USP32: variants seen among roughly 807,000 people sequenced by gnomAD.
USP32 encodes the protein ubiquitin specific peptidase 32.
USP32 carries 59 observed loss-of-function variants against 204.8 expected under a neutral mutation model. That is an observed-to-expected ratio of 0.29 (90% CI 0.23 to 0.36). The LOEUF (loss-of-function observed/expected upper bound fraction) is 0.36, where lower values mean the gene tolerates loss of function less well. USP32 is among the 10% of genes least tolerant of loss of function. USP32 has a pLI of 1.00. For missense variants in USP32, 1,160 were observed against 1,946.4 expected (o/e 0.60, Z 7.60); for synonymous variants, 517 against 678.4 (o/e 0.76, Z 3.70).
At chr17:60,319,458 C>T (rs894805415) in intron 2 of USP32, among the ~76,000 whole-genome samples, 1 of 152,028 alleles carries the variant, frequency 6.6e-6, no homozygotes, top group South Asian at 2.1e-4. Context: ...ATAATAAATA[C>T]GAGTATAATA....
At chr17:60,408,920 C>T (rs931956973) in intron 1 of USP32, among the ~76,000 whole-genome samples, 1 of 152,240 alleles carries the variant, frequency 6.6e-6, no homozygotes, top group African/African-American at 2.4e-5. Flanking sequence ...ATCATGCCTT[C>T]TGGCATCACC....
At chr17:60,390,215 A>C (rs1341552842) in intron 1 of USP32, among the ~76,000 whole-genome samples, 1 of 152,000 alleles carries the variant, frequency 6.6e-6, no homozygotes. Flanking sequence ...GTTTGATAGG[A>C]GATTAAGCAG....
At chr17:60,295,066 T>C (rs1178127408) in intron 3 of USP32, among the ~76,000 whole-genome samples, 2 of 152,216 alleles carry the variant, frequency 1.3e-5, no homozygotes, top group East Asian at 1.9e-4. Flanking sequence ...GGACCTCTTA[T>C]ACACTGTTAA....
intron 1 of USP32, among the ~76,000 whole-genome samples, chr17:60,412,965 G>T (rs550304555): frequency 6.6e-6 from 1 of 152,178 alleles, no homozygotes; most frequent in South Asian, 2.1e-4. Context: ...AAGTTCCGAG[G>T]TTGCCATTCT....
chr17:60,254,227 G>A (rs543852992), intron 10 of USP32, among the ~76,000 whole-genome samples: 85 of 152,290 alleles, frequency 5.6e-4, no homozygotes, highest in African/African-American at 1.8e-3. Context: ...AAATCAGAGC[G>A]AGGGAATTAG....
intron 2 of USP32, among the ~76,000 whole-genome samples, chr17:60,329,278 G>GT (rs538014621): frequency 0.19 from 28,710 of 147,596 alleles, 6,513 homozygotes; most frequent in African/African-American, 0.55. Context: ...GTGTGTGTGT[G>GT]TTTTTTTTTT....
chr17:60,343,721 C>CTTT (rs746333942), intron 2 of USP32, among the ~76,000 whole-genome samples: 3 of 152,174 alleles, frequency 2.0e-5, no homozygotes, highest in Non-Finnish European at 4.4e-5. Context: ...AATCAACACT[C>CTTT]TAACATCACA....
rs2084878405 is a variant in USP32 at position 60,208,219 on chromosome 17, G to C, written c.2774-9C>G. On this transcript the variant is annotated splice_polypyrimidine_tract_variant and intron_variant, in intron 23 of 33. Coordinates refer to ENST00000300896, the MANE Select transcript of USP32 (RefSeq NM_032582.4). ...ACCATCTAACTTAATCACTAGTAAA[G>C]AGAAAAGATCTTTTATTGGTAAAAT... 60 of 1,567,320 alleles carry C rather than the reference G, an allele frequency of 3.8e-5. No homozygotes were observed. The highest frequency in any genetic ancestry group is 5.2e-5 in the Non-Finnish European group (60 of 1,154,964).
At chr17:60,275,940 A>G (rs1421326852) in intron 5 of USP32, among the ~76,000 whole-genome samples, 1 of 152,132 alleles carries the variant, frequency 6.6e-6, no homozygotes, top group East Asian at 1.9e-4. Context: ...GTATGGAGCA[A>G]TAAAGATAAA....
Position 60,183,286 on chromosome 17 carries a change from C to T in USP32, c.4002G>A (p.Glu1334=), listed in dbSNP as rs2084162291. Residue 1334 remains glutamate (E), a synonymous_variant, in exon 31 of 34, where the codon GAG becomes GAA. Transcript: ENST00000300896. ...PLTPQGDELS[E]PRILAREVKK... Reference sequence around the variant, plus strand: ...TCACCTCCCTTGCCAGAATCCTGGGCTCAGAGAGCTCATCCCCCTGGGGTG... The same window carrying T: ...TCACCTCCCTTGCCAGAATCCTGGGTTCAGAGAGCTCATCCCCCTGGGGTG... 1 of 1,613,990 alleles carries T rather than the reference C, an allele frequency of 6.2e-7. No individual in the cohort carries two copies. Among genetic ancestry groups the T allele is most frequent in the Non-Finnish European group, 8.5e-7 (1 of 1,179,878 alleles).
At chr17:60,221,815 T>C (rs1052990360) in intron 15 of USP32, among the ~76,000 whole-genome samples, 1 of 152,118 alleles carries the variant, frequency 6.6e-6, no homozygotes, top group Non-Finnish European at 1.5e-5. Flanking sequence ...CCAAAACAAA[T>C]CCCACCAAAA....
rs148789404 is a variant in USP32, at chr17:60,180,058, C to T, written c.4641+487G>A. ...TTTTTTTTCTTGAGACAGAGTCTTG[C>T]TCTGTTGCCCAGGCTGGAGTGCAGT... On this transcript the variant is annotated intron_variant, in intron 33 of 33. Coordinates refer to ENST00000300896, the MANE Select transcript of USP32 (RefSeq NM_032582.4). 6.6e-3 allele frequency among the ~76,000 whole-genome samples: 995 copies of T among 151,356 alleles called. 13 individuals are homozygous for T. Among genetic ancestry groups the T allele is most frequent in the African/African-American group, 0.023 (963 of 41,204 alleles).
intron 2 of USP32, among the ~76,000 whole-genome samples, chr17:60,323,915 C>T (rs758807038): frequency 9.9e-5 from 15 of 152,154 alleles, no homozygotes; most frequent in Admixed American, 2.0e-4. Flanking sequence ...AGATGGAATA[C>T]TAGTAAAGTT....
intron 9 of USP32, 46 bp downstream of exon 9, chr17:60,265,366 A>G (rs371222677): frequency 5.3e-6 from 7 of 1,315,292 alleles, no homozygotes; most frequent in Non-Finnish European, 7.6e-6. Flanking sequence ...CAAATGGAGT[A>G]CATGATATTT....
chr17:60,371,270 A>T (rs955805405), intron 1 of USP32, among the ~76,000 whole-genome samples: 2 of 149,802 alleles, frequency 1.3e-5, no homozygotes, highest in African/African-American at 4.9e-5. Context: ...AAAAAAAAAA[A>T]AAAAAAAATT....
At chr17:60,400,244 C>T (rs555695155) in intron 1 of USP32, among the ~76,000 whole-genome samples, 7 of 152,224 alleles carry the variant, frequency 4.6e-5, no homozygotes, top group African/African-American at 1.7e-4. Flanking sequence ...AGATTACAGG[C>T]GTGAGCCACC....
intron 1 of USP32, among the ~76,000 whole-genome samples, chr17:60,375,706 T>C (rs2089527432): frequency 1.3e-5 from 2 of 151,038 alleles, no homozygotes; most frequent in South Asian, 4.2e-4. Flanking sequence ...TGGGTTCAAG[T>C]GAGTCTCCTG....
intron 5 of USP32, among the ~76,000 whole-genome samples, chr17:60,273,217 T>C (rs1459957068): frequency 6.6e-6 from 1 of 152,094 alleles, no homozygotes; most frequent in Non-Finnish European, 1.5e-5. Context: ...AAGTGATCTG[T>C]CTGCCTCGGC....
intron 9 of USP32, among the ~76,000 whole-genome samples, chr17:60,258,646 A>C (rs1279974415): frequency 6.6e-6 from 1 of 152,200 alleles, no homozygotes; most frequent in African/African-American, 2.4e-5. Context: ...TTCCTTTTTA[A>C]AAAATTAAAC....
Sources: allele counts gnomAD v4.1 joint callset (sites outside exome capture counted in the v4.1 genomes callset), GRCh38; gene constraint gnomAD v4.1.1; transcripts MANE v1.5; gene names NCBI Gene and HGNC (gene_info 2026-07-23, HGNC 2026-07-21).